Variants in PAM observed in about 807,000 individuals in gnomAD.
PAM encodes peptidylglycine alpha-amidating monooxygenase, also known as peptidyl-glycine alpha-amidating monooxygenase.
PAM carries 72 observed loss-of-function variants against 122.1 expected under a neutral mutation model. The ratio of observed to expected loss-of-function variants is 0.59; its 90% CI spans 0.49 to 0.72. The LOEUF is 0.72. Among genes scored for constraint, PAM ranks in the 30% least tolerant of loss-of-function variants. The probability of loss-of-function intolerance (pLI) is 0.00; values close to 1 mark genes in which losing one functional copy is unlikely to be tolerated. For missense variants in PAM, 1,106 were observed against 1,183.7 expected, an observed-to-expected ratio of 0.93 and a Z score of 0.96; for synonymous variants, 389 against 404.4, an observed-to-expected ratio of 0.96 and a Z score of 0.46.
chr5:102,759,964 G>T (rs1328811524), intron 1 of PAM, among the ~76,000 whole-genome samples: 1 of 152,138 alleles, frequency 6.6e-6, no homozygotes, highest in Non-Finnish European at 1.5e-5. Context: ...TAAAAGCAAG[G>T]TATTCAAGCA....
intron 7 of PAM, among the ~76,000 whole-genome samples, chr5:102,930,859 C>A (rs1393551142): frequency 6.6e-6 from 1 of 152,144 alleles, no homozygotes; most frequent in Non-Finnish European, 1.5e-5. Context: ...ACTTAATATT[C>A]CATAGGAAAT....
chr5:102,828,215 T>A (rs1774249412), intron 1 of PAM, among the ~76,000 whole-genome samples: 1 of 151,782 alleles, frequency 6.6e-6, no homozygotes, highest in Admixed American at 6.6e-5. Flanking sequence ...AGCGTGGTGG[T>A]GTGCATCTGT....
rs549905270 is a variant in PAM at position 102,805,722 on chromosome 5, C to G, written c.-374+50374C>G. On this transcript the variant is annotated intron_variant, in intron 1 of 25. Transcript: ENST00000438793. ...GATCTCTAATAAGGTGGTGAGATCA[C>G]GCTGACCAAAATATTTAGTGAAGTC... Among the ~76,000 whole-genome samples the G allele has an allele frequency of 4.6e-5, 7 of 152,252 alleles. No individual in the cohort carries two copies. The East Asian group carries it at 1.4e-3, about 29-fold the overall frequency.
chr5:103,013,893 T>C (rs938977944), intron 21 of PAM, among the ~76,000 whole-genome samples: 6 of 152,184 alleles, frequency 3.9e-5, no homozygotes, highest in African/African-American at 2.4e-5. Flanking sequence ...GGTTTCTATT[T>C]ATATAAACAA....
chr5:102,984,777 CA>C (rs1284563681), intron 15 of PAM, among the ~76,000 whole-genome samples: 1 of 152,120 alleles, frequency 6.6e-6, no homozygotes, highest in African/African-American at 2.4e-5. Context: ...CTGGAGAATG[CA>C]CATTCTTTTT....
chr5:102,782,106 A>G (rs1411173928), intron 1 of PAM, among the ~76,000 whole-genome samples: 1 of 152,222 alleles, frequency 6.6e-6, no homozygotes, highest in African/African-American at 2.4e-5. Context: ...GGATATTCCT[A>G]GGAGCTCAAC....
intron 21 of PAM, among the ~76,000 whole-genome samples, chr5:103,011,395 CACACA>C (rs1780589353): frequency 6.7e-6 from 1 of 148,268 alleles, no homozygotes; most frequent in African/African-American, 2.6e-5. Flanking sequence ...CACACACACA[CACACA>C]CTCTCTCTCT....
intron 3 of PAM, among the ~76,000 whole-genome samples, chr5:102,877,341 T>C (rs1789559187): frequency 6.6e-6 from 1 of 152,162 alleles, no homozygotes; most frequent in Non-Finnish European, 1.5e-5. Flanking sequence ...ATACTTGAAA[T>C]AAAGAATTAC....
chr5:102,907,690 T>A (rs1187059016), intron 4 of PAM, among the ~76,000 whole-genome samples: 1 of 151,954 alleles, frequency 6.6e-6, no homozygotes, highest in African/African-American at 2.4e-5. Flanking sequence ...AGTATCTCAT[T>A]GTGGTTTTGA....
intron 5 of PAM, among the ~76,000 whole-genome samples, chr5:102,915,349 A>T (rs1302999965): frequency 6.6e-6 from 1 of 152,132 alleles, no homozygotes; most frequent in African/African-American, 2.4e-5. Flanking sequence ...ACACAGGGCA[A>T]TTAGTGGAAA....
At chr5:102,929,147 A>G (rs1750583415) in intron 7 of PAM, among the ~76,000 whole-genome samples, 1 of 152,176 alleles carries the variant, frequency 6.6e-6, no homozygotes, top group Non-Finnish European at 1.5e-5. Context: ...AAATTCCACA[A>G]ATAGAAGCAT....
chr5:102,766,926 A>ATTTT lies in PAM; in HGVS notation c.-374+11606_-374+11609dup. 5.5e-3 allele frequency among the ~76,000 whole-genome samples: 141 copies of ATTTT among 25,848 alleles called. 45 individuals are homozygous for ATTTT. Among genetic ancestry groups the ATTTT allele is most frequent in the East Asian group, 0.011 (8 of 702 alleles). 17.0% of individuals were successfully genotyped at this position (25,848 alleles called of 152,430 possible). On this transcript the variant is annotated intron_variant, in intron 1 of 25. Transcript: ENST00000438793. Reference sequence around the variant, plus strand: ...ATTTATTTTATTGCTTCAGTTGTGGATTTTTTTTTTTTTTTTTTTTTTTTT... The same window carrying ATTTT: ...ATTTATTTTATTGCTTCAGTTGTGGATTTTTTTTTTTTTTTTTTTTTTTTTTTTT...
At chr5:102,840,778 G>C (rs545595424) in intron 1 of PAM, among the ~76,000 whole-genome samples, 1 of 152,188 alleles carries the variant, frequency 6.6e-6, no homozygotes. Flanking sequence ...AGCCAGCAGG[G>C]TAGAGGAAGG....
intron 23 of PAM, among the ~76,000 whole-genome samples, chr5:103,024,505 T>C (rs1784427677): frequency 6.6e-6 from 1 of 152,190 alleles, no homozygotes; most frequent in Non-Finnish European, 1.5e-5. Context: ...TAGTTCCTTT[T>C]TTCTTTTGTA....
chr5:102,791,443 T>A (rs1010236478), intron 1 of PAM, among the ~76,000 whole-genome samples: 6 of 152,072 alleles, frequency 3.9e-5, no homozygotes, highest in African/African-American at 1.2e-4. Flanking sequence ...GAACATTTTT[T>A]ATATTATTTT....
At chr5:102,934,706 T>TCCACTCG (rs1486289838) in intron 7 of PAM, among the ~76,000 whole-genome samples, 1 of 152,214 alleles carries the variant, frequency 6.6e-6, no homozygotes, top group African/African-American at 2.4e-5. Flanking sequence ...AATCATGTAC[T>TCCACTCG]CTATCACCTT....
At chr5:103,004,791 T>G (rs1187548506) in intron 17 of PAM, among the ~76,000 whole-genome samples, 1 of 152,234 alleles carries the variant, frequency 6.6e-6, no homozygotes, top group Non-Finnish European at 1.5e-5. Flanking sequence ...ATCAATCCAT[T>G]TATGTTTCTT....
At chr5:102,859,764 A>G (rs936914327) in intron 1 of PAM, among the ~76,000 whole-genome samples, 1 of 152,192 alleles carries the variant, frequency 6.6e-6, no homozygotes, top group Non-Finnish European at 1.5e-5. Context: ...TGCCGTATAC[A>G]AATGTACCAT....
chr5:102,994,312 T>C (rs190498573), intron 16 of PAM, among the ~76,000 whole-genome samples: 136 of 152,320 alleles, frequency 8.9e-4, no homozygotes, highest in Middle Eastern at 3.4e-3. Context: ...ACTTCACCTT[T>C]TAGTAATACA....
Sources: gnomAD v4.1 joint callset for allele counts (sites outside exome capture counted in the v4.1 genomes callset) on GRCh38, gnomAD v4.1.1 for gene constraint, MANE v1.5 for transcripts, NCBI Gene and HGNC (gene_info 2026-07-23, HGNC 2026-07-21) for gene names.